The following SLC24A3 variants were observed in gnomAD, a reference collection of about 807,000 sequenced individuals.
The protein encoded by SLC24A3 is sodium/potassium/calcium exchanger 3.
A neutral mutation model predicts 75.8 loss-of-function variants in SLC24A3; 28 were observed. The ratio of observed to expected loss-of-function variants is 0.37; its 90% CI spans 0.27 to 0.51. SLC24A3 has a LOEUF of 0.51. Ranked by LOEUF, SLC24A3 falls within the 20% of genes least tolerant of loss-of-function variation. SLC24A3 has a pLI of 0.94. For synonymous variants in SLC24A3, 372 were observed against 334.1 expected (o/e 1.11, Z -1.24); for missense variants, 663 against 847.8 (o/e 0.78, Z 2.71).
At chr20:19,228,637 T>C (rs1452391064) in intron 1 of SLC24A3, among the ~76,000 whole-genome samples, 1 of 150,492 alleles carries the variant, frequency 6.6e-6, no homozygotes, top group Admixed American at 6.6e-5. Flanking sequence ...AGAGCTAGAC[T>C]CCGTCTCAAA....
chr20:19,398,157 G>T (rs1986489254), intron 2 of SLC24A3, among the ~76,000 whole-genome samples: 1 of 151,878 alleles, frequency 6.6e-6, no homozygotes, highest in Admixed American at 6.6e-5. Flanking sequence ...ACTTCCCATT[G>T]ATATACCTTT....
At chr20:19,466,119 T>C (rs936486300) in intron 2 of SLC24A3, among the ~76,000 whole-genome samples, 1 of 152,230 alleles carries the variant, frequency 6.6e-6, no homozygotes, top group African/African-American at 2.4e-5. Context: ...AAAGTACAAA[T>C]GTATTTTCAC....
rs138757191 is a variant in SLC24A3, at chr20:19,514,035, G to A, written c.272-1453G>A. Among the ~76,000 whole-genome samples, 59 of 152,274 alleles carry A rather than the reference G, an allele frequency of 3.9e-4. No individual in the cohort carries two copies. The East Asian group carries it at 0.011, about 28-fold the overall frequency. Reference sequence around the variant, plus strand: ...GTGAGCCTTGCTTTATGTACTAGACGTACCCTTTGGCCCAAACACTTCGTG... The same window carrying A: ...GTGAGCCTTGCTTTATGTACTAGACATACCCTTTGGCCCAAACACTTCGTG... On this transcript the variant is annotated intron_variant, in intron 2 of 16. Transcript: ENST00000328041.
intron 2 of SLC24A3, among the ~76,000 whole-genome samples, chr20:19,454,569 G>C (rs1341371813): frequency 6.6e-6 from 1 of 152,314 alleles, no homozygotes; most frequent in Admixed American, 6.5e-5. Context: ...GTCTGAACTT[G>C]ATCCTAACAA....
chr20:19,507,245 A>G (rs1988474057), intron 2 of SLC24A3, among the ~76,000 whole-genome samples: 1 of 152,116 alleles, frequency 6.6e-6, no homozygotes, highest in Non-Finnish European at 1.5e-5. Flanking sequence ...ATATCCTACA[A>G]CCTTAACCTC....
intron 2 of SLC24A3, among the ~76,000 whole-genome samples, chr20:19,288,598 G>C (rs1244740064): frequency 6.6e-6 from 1 of 152,206 alleles, no homozygotes; most frequent in East Asian, 1.9e-4. Flanking sequence ...ATTGGAACAT[G>C]TTTGGCTCTT....
intron 2 of SLC24A3, among the ~76,000 whole-genome samples, chr20:19,325,775 TAC>T (rs778402118): frequency 0.11 from 6,693 of 61,074 alleles, 385 homozygotes; most frequent in African/African-American, 0.21. Flanking sequence ...CATATATATA[TAC>T]ATATATATAT....
intron 2 of SLC24A3, among the ~76,000 whole-genome samples, chr20:19,450,514 A>G (rs1275612429): frequency 6.6e-6 from 1 of 152,088 alleles, no homozygotes; most frequent in East Asian, 1.9e-4. Context: ...TGTTCTCATC[A>G]CACAGTTGTT....
chr20:19,674,870 T>C (rs773980373), intron 9 of SLC24A3, among the ~76,000 whole-genome samples: 1 of 152,104 alleles, frequency 6.6e-6, no homozygotes, highest in Non-Finnish European at 1.5e-5. Context: ...CTGGCCAACA[T>C]GGTGAAACCC....
intron 1 of SLC24A3, among the ~76,000 whole-genome samples, chr20:19,260,996 T>C (rs2122194702): frequency 6.6e-6 from 1 of 152,318 alleles, no homozygotes; most frequent in South Asian, 2.1e-4. Flanking sequence ...AAGCAGGACA[T>C]GGCAATGAAG....
chr20:19,676,573 A>C (rs2122732382), intron 9 of SLC24A3, among the ~76,000 whole-genome samples: 1 of 152,380 alleles, frequency 6.6e-6, no homozygotes, highest in South Asian at 2.1e-4. Context: ...GTGCAAGCAC[A>C]AAATTTAAAA....
Position 19,546,728 on chromosome 20 carries a change from G to A in SLC24A3, c.348+31164G>A, listed in dbSNP as rs566499333. Among the ~76,000 whole-genome samples, 3 of 152,280 alleles carry A rather than the reference G, an allele frequency of 2.0e-5. No individual in the cohort carries two copies. The South Asian group carries it at 6.2e-4, about 32-fold the overall frequency. On this transcript the variant is annotated intron_variant, in intron 3 of 16. Coordinates refer to ENST00000328041, the MANE Select transcript of SLC24A3 (RefSeq NM_020689.4). ...TAATACCCTCAAGCCATCTGCTCAT[G>A]GGAGTAAATCCAGAACTTGCCTTCC... is the stretch of plus-strand genomic sequence containing the variant.
rs554416789 is a variant in SLC24A3, at chr20:19,510,457, C to T, written c.272-5031C>T. The stretch of plus-strand genomic sequence containing the variant: ...TCCTTTCCTGCAATAAGATACCTTG[C>T]GTCTCCTCTTCAGTTCTTATGCAAA... On this transcript the variant is annotated intron_variant, in intron 2 of 16. Transcript: ENST00000328041. Among the ~76,000 whole-genome samples the T allele has an allele frequency of 3.6e-4, 55 of 152,276 alleles. 1 individual carries two copies. The highest frequency in any genetic ancestry group is 7.8e-4 in the Admixed American group (12 of 15,296).
chr20:19,672,808 T>C (rs1437067801), intron 8 of SLC24A3, among the ~76,000 whole-genome samples: 1 of 152,208 alleles, frequency 6.6e-6, no homozygotes, highest in African/African-American at 2.4e-5. Context: ...TTCTCTAGGA[T>C]CAGCTTCTAG....
intron 2 of SLC24A3, among the ~76,000 whole-genome samples, chr20:19,507,135 C>T (rs193293047): frequency 1.3e-5 from 2 of 152,136 alleles, no homozygotes; most frequent in Non-Finnish European, 2.9e-5. Flanking sequence ...TGTTCAGGGG[C>T]CTTTATTTAT....
intron 2 of SLC24A3, among the ~76,000 whole-genome samples, chr20:19,427,197 G>A (rs575123698): frequency 3.3e-5 from 5 of 152,248 alleles, no homozygotes; most frequent in South Asian, 4.2e-4. Flanking sequence ...CAGATGCCCA[G>A]GAAGCCTGGA....
intron 2 of SLC24A3, among the ~76,000 whole-genome samples, chr20:19,370,871 C>G (rs982093593): frequency 1.3e-5 from 2 of 151,978 alleles, no homozygotes; most frequent in Non-Finnish European, 2.9e-5. Context: ...CTGGTTAGAC[C>G]GGCTCTGGGC....
At chr20:19,401,517 A>G (rs1986552130) in intron 2 of SLC24A3, among the ~76,000 whole-genome samples, 1 of 149,884 alleles carries the variant, frequency 6.7e-6, no homozygotes, top group Non-Finnish European at 1.5e-5. Flanking sequence ...TGGCCCCATT[A>G]TTGGGCTGAT....
Position 19,377,795 on chromosome 20 carries a change from G to C in SLC24A3, c.271+96708G>C, listed in dbSNP as rs558695540. 2.5e-4 allele frequency among the ~76,000 whole-genome samples: 38 copies of C among 152,292 alleles called. No individual in the cohort carries two copies. The South Asian group carries it at 7.7e-3, about 31-fold the overall frequency. ...CTTCCTGACCACCCAGCCTTTTCCT[G>C]TTCACAGACCTGTTCAGAAAAGGCT... is the stretch of plus-strand genomic sequence containing the variant. On this transcript the variant is annotated intron_variant, in intron 2 of 16. Coordinates refer to ENST00000328041, the MANE Select transcript of SLC24A3 (RefSeq NM_020689.4).
Sources: allele counts gnomAD v4.1 joint callset (sites outside exome capture counted in the v4.1 genomes callset), GRCh38; gene constraint gnomAD v4.1.1; transcripts MANE v1.5; gene names NCBI Gene and HGNC (gene_info 2026-07-23, HGNC 2026-07-21).